TRABD2A: variants seen among roughly 807,000 people sequenced by gnomAD.
The protein encoded by TRABD2A is metalloprotease TIKI1.
A neutral mutation model predicts 45.6 loss-of-function variants in TRABD2A; 43 were observed. The observed-to-expected ratio is 0.94, with a 90% CI of 0.74 to 1.22. TRABD2A has a LOEUF of 1.22. Ranked by LOEUF, TRABD2A falls within the 50% of genes most tolerant of loss-of-function variation. TRABD2A has a pLI of 0.00. For missense variants in TRABD2A, 642 were observed against 652.4 expected (o/e 0.98, Z 0.17); for synonymous variants, 269 against 265.0 (o/e 1.02, Z -0.15).
intron 2 of TRABD2A, among the ~76,000 whole-genome samples, chr2:84,844,314 C>T (rs1339836978): frequency 1.3e-5 from 2 of 152,118 alleles, no homozygotes; most frequent in African/African-American, 2.4e-5. Context: ...GAATAAGTCT[C>T]GTGGTTCTAT....
intron 2 of TRABD2A, among the ~76,000 whole-genome samples, chr2:84,859,973 C>T (rs1233149006): frequency 6.6e-6 from 1 of 151,852 alleles, no homozygotes; most frequent in South Asian, 2.1e-4. Context: ...ACTATGTTGT[C>T]CAGGCTGGTC....
At chr2:84,834,312 C>T (rs1415696151) in intron 4 of TRABD2A, 1 of 152,220 alleles carries the variant, frequency 6.6e-6, no homozygotes, top group Non-Finnish European at 1.5e-5. Flanking sequence ...AAGAAAACTA[C>T]CACATACTCA....
chr2:84,878,086 G>A (rs1358156214), intron 1 of TRABD2A, among the ~76,000 whole-genome samples: 1 of 152,208 alleles, frequency 6.6e-6, no homozygotes, highest in East Asian at 1.9e-4. Flanking sequence ...GCAGATGGTA[G>A]TGGTGGCAGC....
intron 1 of TRABD2A, among the ~76,000 whole-genome samples, chr2:84,878,662 CCTCT>C (rs1215104598): frequency 6.6e-6 from 1 of 152,114 alleles, no homozygotes; most frequent in African/African-American, 2.4e-5. Context: ...GCTCAGAAGA[CCTCT>C]CTAATGATTA....
intron 1 of TRABD2A, among the ~76,000 whole-genome samples, chr2:84,878,481 C>A (rs1683104086): frequency 6.7e-6 from 1 of 149,934 alleles, no homozygotes; most frequent in African/African-American, 2.5e-5. Context: ...GCCAATGTAG[C>A]ATCACTGCAC....
rs554981267 is a variant in TRABD2A, at chr2:84,823,979, G to A, written c.1308C>T (p.Ser436=). Residue 436 remains serine (S), a synonymous_variant, in exon 6 of 7, where the codon AGC becomes AGT. Transcript: ENST00000409520. ...SQRRPRLRQF[S]DLWVRLEESD... ...TCTCCTCCAGGCGGACCCACAGATC[G>A]CTGAATTGCCGGAGTCGCGGCCTCC... 34 of 1,613,884 alleles carry A rather than the reference G, an allele frequency of 2.1e-5. No individual in the cohort carries two copies. In the Admixed American group the frequency reaches 5.0e-4, roughly 24 times the overall value.
At position 84,870,196 on chromosome 2, in the gene TRABD2A, C is replaced by G. The variant is rs1342783389; in HGVS notation, c.669+29G>C. On this transcript the variant is annotated intron_variant, in intron 2 of 6. Transcript: ENST00000409520. Reference sequence around the variant, plus strand: ...GATTCACCCATACAACCAAATGCCACTAAGTCTTTTATGCAAAGAGAGTCT... The same window carrying G: ...GATTCACCCATACAACCAAATGCCAGTAAGTCTTTTATGCAAAGAGAGTCT... The G allele has an allele frequency of 1.9e-6, 3 of 1,571,886 alleles. No individual in the cohort carries two copies. In the Admixed American group the frequency reaches 5.2e-5, roughly 27 times the overall value.
At position 84,839,341 on chromosome 2, in the gene TRABD2A, G is replaced by GA. The variant is rs537935350; in HGVS notation, c.817-19dup. On this transcript the variant is annotated intron_variant, in intron 3 of 6. Coordinates refer to ENST00000409520, the MANE Select transcript of TRABD2A (RefSeq NM_001277053.2). ...TTGGGAACCTCCACCAAAATAAAGA[G>GA]AAAAAAAAATAAGGGGCAACAGAGT... 843 of 1,520,482 alleles carry GA rather than the reference G, an allele frequency of 5.5e-4. No homozygotes were observed. The highest frequency in any genetic ancestry group is 6.1e-4 in the South Asian group (49 of 79,818). The allele number at this position is 1,520,482 out of a possible 1,614,324, so 94.2% of individuals were successfully genotyped here. A position where few individuals can be genotyped will look rare whatever the true frequency, so the allele number is the denominator to read the frequency against.
At chr2:84,833,865 G>A (rs1455023746) in intron 4 of TRABD2A, 1 of 152,122 alleles carries the variant, frequency 6.6e-6, no homozygotes, top group African/African-American at 2.4e-5. Flanking sequence ...TCAGGTGTTG[G>A]TGTTGCCTGT....
At chr2:84,852,951 T>G (rs1020201984) in intron 2 of TRABD2A, among the ~76,000 whole-genome samples, 7 of 152,160 alleles carry the variant, frequency 4.6e-5, no homozygotes, top group Admixed American at 3.3e-4. Flanking sequence ...CTTAACCAGC[T>G]GTGGAACCAC....
intron 2 of TRABD2A, among the ~76,000 whole-genome samples, chr2:84,855,452 G>T (rs904985804): frequency 1.3e-4 from 19 of 151,892 alleles, no homozygotes; most frequent in African/African-American, 4.6e-4. Context: ...AAAAAAAAAT[G>T]GTTATCAGTC....
intron 2 of TRABD2A, among the ~76,000 whole-genome samples, chr2:84,863,283 C>T (rs1345185829): frequency 9.3e-6 from 1 of 107,136 alleles, no homozygotes. Flanking sequence ...CTCGCTCTGT[C>T]GCCCAGGCTG....
At chr2:84,831,089 AT>A (rs1459358281) in intron 5 of TRABD2A, among the ~76,000 whole-genome samples, 1 of 152,128 alleles carries the variant, frequency 6.6e-6, no homozygotes, top group Non-Finnish European at 1.5e-5. Context: ...GAATGTGACC[AT>A]TTGGAGTTAG....
At position 84,830,465 on chromosome 2, in the gene TRABD2A, C is replaced by T. The variant is rs575592539; in HGVS notation, c.1082+1590G>A. On this transcript the variant is annotated intron_variant, in intron 5 of 6. Coordinates refer to ENST00000409520, the MANE Select transcript of TRABD2A (RefSeq NM_001277053.2). This position sits in a 1 kb window ranked among gnomAD's most constrained non-coding sequence, Gnocchi z 4.9. ...CTTGAAAAAGAACAACATGAAACCA[C>T]GGAGGGTTTGAATATAGGACACTGG... 2.6e-5 allele frequency among the ~76,000 whole-genome samples: 4 copies of T among 152,116 alleles called. No individual in the cohort carries two copies. The highest frequency in any genetic ancestry group is 1.9e-4 in the East Asian group (1 of 5,176).
At chr2:84,861,076 C>G (rs1287276469) in intron 2 of TRABD2A, among the ~76,000 whole-genome samples, 6 of 152,136 alleles carry the variant, frequency 3.9e-5, no homozygotes, top group Admixed American at 2.6e-4. Context: ...TTTCCATCAG[C>G]CTGGCGATCG....
intron 4 of TRABD2A, among the ~76,000 whole-genome samples, chr2:84,838,697 T>C (rs1681602816): frequency 6.6e-6 from 1 of 152,022 alleles, no homozygotes; most frequent in East Asian, 1.9e-4. Flanking sequence ...CAAAAGAAAA[T>C]AATTGTCCTA....
intron 2 of TRABD2A, among the ~76,000 whole-genome samples, chr2:84,858,981 T>A (rs558846673): frequency 5.3e-5 from 8 of 152,248 alleles, no homozygotes; most frequent in Middle Eastern, 3.4e-3. Flanking sequence ...AAAAATTTTT[T>A]AAAAACCTGC....
In TRABD2A at chr2:84,881,023, C is replaced by G. The variant is rs1430944901; in HGVS notation, c.17G>C (p.Trp6Ser). MSPWS[W>S]FLLQTLCLLP... ...GAGGCAGAGGGTCTGCAGCAGGAAC[C>G]AGCTCCAGGGACTCATCCTCCTCAA... Residue 6 changes from tryptophan (W) to serine (S), a missense_variant, in exon 1 of 7, where the codon TGG (tryptophan) becomes TCG (serine). Physicochemically the swap from Trp to Ser is radical, Grantham distance 177 (BLOSUM62 -3). Transcript: ENST00000409520. 2 of 1,604,720 alleles carry G rather than the reference C, an allele frequency of 1.2e-6. No individual in the cohort carries two copies. The highest frequency in any genetic ancestry group is 3.4e-5 in the Admixed American group (2 of 59,168).
In TRABD2A at chr2:84,824,211, G is replaced by A. The variant is rs1459818531; in HGVS notation, c.1083-7C>T. The A allele has an allele frequency of 1.9e-6, 3 of 1,613,570 alleles. No individual in the cohort carries two copies. The highest frequency in any genetic ancestry group is 4.5e-5 in the East Asian group (2 of 44,880). On this transcript the variant is annotated splice_polypyrimidine_tract_variant and splice_region_variant and intron_variant, in intron 5 of 6. Coordinates refer to ENST00000409520, the MANE Select transcript of TRABD2A (RefSeq NM_001277053.2). ...GGTCTTTTTACTCTTCCCTCTGTAC[G>A]CAAGTGGAAGGAGAAGGTATTTGGA...
Sources: allele counts gnomAD v4.1 joint callset (sites outside exome capture counted in the v4.1 genomes callset), GRCh38; gene constraint gnomAD v4.1.1; non-coding constraint Gnocchi (gnomAD v3.1); transcripts MANE v1.5; gene names NCBI Gene and HGNC (gene_info 2026-07-23, HGNC 2026-07-21).